The following UTS2 variants were observed in gnomAD, a reference collection of about 807,000 sequenced individuals.
The protein encoded by UTS2 is urotensin 2, also known as urotensin-2.
In UTS2, 10 loss-of-function variants were observed where a neutral mutation model predicts 12.6. That is an observed-to-expected ratio of 0.80 (90% CI 0.49 to 1.35). The LOEUF (loss-of-function observed/expected upper bound fraction) is 1.35, where lower values mean the gene tolerates loss of function less well. UTS2 is among the 40% of genes most tolerant of loss of function. The pLI, the probability that UTS2 is intolerant of heterozygous loss-of-function variation, is 0.00. For synonymous variants in UTS2, 52 were observed against 50.0 expected (o/e 1.04, Z -0.17); for missense variants, 142 against 143.2 (o/e 0.99, Z 0.04).
At chr1:7,894,191 T>C in the UTS2 span, among the ~76,000 whole-genome samples, 3 of 152,026 alleles carry the variant, frequency 2.0e-5, no homozygotes, top group African/African-American at 4.8e-5. Context: ...ATTTCTTTTT[T>C]CTTTTTTTTA....
the UTS2 span, among the ~76,000 whole-genome samples, chr1:7,895,756 T>C: frequency 6.6e-6 from 1 of 152,268 alleles, no homozygotes; most frequent in Admixed American, 6.5e-5. Flanking sequence ...ATATGCTTCA[T>C]GGGATCTGTG....
chr1:7,862,981 T>C, the UTS2 span, among the ~76,000 whole-genome samples: 16 of 22,824 alleles, frequency 7.0e-4, no homozygotes, highest in African/African-American at 3.3e-3. Flanking sequence ...CCGTTATTTA[T>C]TGTGTTGTGT....
the UTS2 span, among the ~76,000 whole-genome samples, chr1:7,890,417 C>T: frequency 2.2e-4 from 33 of 152,236 alleles, no homozygotes; most frequent in African/African-American, 7.2e-4. Context: ...GGTGGCTCTT[C>T]TGTCTTCATG....
chr1:7,897,054 C>G, the UTS2 span, among the ~76,000 whole-genome samples: 1 of 151,918 alleles, frequency 6.6e-6, no homozygotes, highest in Non-Finnish European at 1.5e-5. Flanking sequence ...ATTTTCACTT[C>G]CAAATTACAT....
At chr1:7,869,275 T>C in the UTS2 span, among the ~76,000 whole-genome samples, 1 of 152,312 alleles carries the variant, frequency 6.6e-6, no homozygotes, top group East Asian at 1.9e-4. Flanking sequence ...TCAAATGACC[T>C]TGACCATCTG....
chr1:7,896,075 A>G, the UTS2 span, among the ~76,000 whole-genome samples: 1 of 152,236 alleles, frequency 6.6e-6, no homozygotes, highest in Non-Finnish European at 1.5e-5. Flanking sequence ...TCAAATGAAA[A>G]TGCTCCTGAA....
At chr1:7,863,026 TTGTATTGTATTGTATTGTATTGTATTG>T in the UTS2 span, among the ~76,000 whole-genome samples, 1,310 of 51,956 alleles carry the variant, frequency 0.025, 41 homozygotes, top group East Asian at 0.053. Flanking sequence ...TTGTATTGTA[TTGTATTGTATTGTATTGTATTGTATTG>T]TATTGTATTG....
At chr1:7,875,840 C>T in the UTS2 span, among the ~76,000 whole-genome samples, 1 of 152,182 alleles carries the variant, frequency 6.6e-6, no homozygotes, top group East Asian at 1.9e-4. Flanking sequence ...CCCACTTTGC[C>T]CATGGCCTCT....
intron 3 of UTS2, among the ~76,000 whole-genome samples, chr1:7,848,388 A>G (rs1298787193): frequency 6.6e-6 from 1 of 152,050 alleles, no homozygotes; most frequent in Non-Finnish European, 1.5e-5. Flanking sequence ...GCAGTGAGCC[A>G]AGATCACACC....
the UTS2 span, among the ~76,000 whole-genome samples, chr1:7,870,547 G>A: frequency 2.6e-5 from 4 of 152,142 alleles, no homozygotes; most frequent in East Asian, 7.7e-4. Flanking sequence ...ATTCTGCGTA[G>A]TGCATCAGAG....
chr1:7,878,644 A>C, the UTS2 span, among the ~76,000 whole-genome samples: 3 of 152,066 alleles, frequency 2.0e-5, no homozygotes, highest in Non-Finnish European at 4.4e-5. Flanking sequence ...TGAAAGGATC[A>C]CTGGAGCCCA....
upstream of UTS2, among the ~76,000 whole-genome samples, chr1:7,857,091 G>GAAGAA (rs1484351852): frequency 1.4e-5 from 2 of 138,072 alleles, no homozygotes; most frequent in African/African-American, 5.6e-5. Flanking sequence ...GGGAAGGAAG[G>GAAGAA]AAGGAAGAAA....
intron 3 of UTS2, 132 bp downstream of exon 3, chr1:7,849,508 G>C: frequency 1.2e-6 from 1 of 822,094 alleles, no homozygotes; most frequent in East Asian, 3.3e-5. Flanking sequence ...ACCGCGCCTG[G>C]TCATGCTGGC....
chr1:7,898,759 T>A, the UTS2 span, among the ~76,000 whole-genome samples: 1 of 152,090 alleles, frequency 6.6e-6, no homozygotes, highest in African/African-American at 2.4e-5. Context: ...TATATGAAGG[T>A]TTGGTCCAGA....
At chr1:7,882,689 T>TA in the UTS2 span, among the ~76,000 whole-genome samples, 1 of 152,310 alleles carries the variant, frequency 6.6e-6, no homozygotes, top group East Asian at 1.9e-4. Context: ...ATATCCAGAC[T>TA]ATACATGGAA....
the UTS2 span, among the ~76,000 whole-genome samples, chr1:7,877,887 T>A: frequency 3.3e-5 from 5 of 151,514 alleles, no homozygotes; most frequent in East Asian, 7.8e-4. Flanking sequence ...AAAAAAAAAA[T>A]TTGGTTGAAA....
Position 7,850,859 on chromosome 1 carries a change from A to T in UTS2, c.167T>A (p.Leu56Gln), listed in dbSNP as rs942611286. The change falls in exon 2 of 4, where the codon CTG (leucine) becomes CAG (glutamine). Residue 56 changes from leucine to glutamine, a missense_variant. Physicochemically the swap from Leu to Gln is moderately radical, Grantham distance 113 (BLOSUM62 -2). Transcript: ENST00000361696. ...TCTTTCTGCACCCAGCATCTCTGGCAGTATCTGTAGAAGGGAAGCTCTTTC... is the reference window on the plus strand; with the variant it reads ...TCTTTCTGCACCCAGCATCTCTGGCTGTATCTGTAGAAGGGAAGCTCTTTC... ...ELERASLLQI[L>Q]PEMLGAERGD... 11 of 1,614,226 alleles carry T rather than the reference A, an allele frequency of 6.8e-6. No homozygotes were observed. Among genetic ancestry groups the T allele is most frequent in the Non-Finnish European group, 9.3e-6 (11 of 1,180,036 alleles).
chr1:7,861,761 T>C, the UTS2 span, among the ~76,000 whole-genome samples: 1 of 151,938 alleles, frequency 6.6e-6, no homozygotes, highest in African/African-American at 2.4e-5. Context: ...TCCCCAGTGG[T>C]GGTTAGGTAC....
chr1:7,862,305 C>G, the UTS2 span, among the ~76,000 whole-genome samples: 2 of 152,054 alleles, frequency 1.3e-5, no homozygotes, highest in Non-Finnish European at 1.5e-5. Context: ...GCAGTTCCCC[C>G]GCTATGTCCC....
Sources: gnomAD v4.1 joint callset for allele counts (sites outside exome capture counted in the v4.1 genomes callset) on GRCh38, gnomAD v4.1.1 for gene constraint, MANE v1.5 for transcripts, NCBI Gene and HGNC (gene_info 2026-07-23, HGNC 2026-07-21) for gene names.